Variants in RAPGEF6 observed in about 807,000 individuals in gnomAD.
RAPGEF6 encodes PDZ domain containing guanine nucleotide exchange factor (GEF) 2.
Under a neutral mutation model 171.4 loss-of-function variants are expected in RAPGEF6, and 56 were observed. The observed-to-expected ratio is 0.33, with a 90% confidence interval of 0.26 to 0.41. The LOEUF (loss-of-function observed/expected upper bound fraction) is 0.41. Among genes scored for constraint, RAPGEF6 ranks in the 10% least tolerant of loss-of-function variants. The probability of loss-of-function intolerance (pLI) is 1.00; values close to 1 mark genes in which losing one functional copy is unlikely to be tolerated. For missense variants in RAPGEF6, 1,674 were observed against 1,921.4 expected, an observed-to-expected ratio of 0.87 and a Z score of 2.41; for synonymous variants, 692 against 650.1, an observed-to-expected ratio of 1.06 and a Z score of -0.98.
At chr5:131,486,351 T>C (rs1245283236) in intron 15 of RAPGEF6, among the ~76,000 whole-genome samples, 2 of 152,242 alleles carry the variant, frequency 1.3e-5, no homozygotes, top group Non-Finnish European at 2.9e-5. Flanking sequence ...TGTTTGTTTA[T>C]AGTTTTTCAT....
intron 4 of RAPGEF6, among the ~76,000 whole-genome samples, chr5:131,571,429 A>G (rs934031286): frequency 6.6e-5 from 10 of 152,350 alleles, no homozygotes; most frequent in Admixed American, 2.6e-4. Context: ...ACAGATGACA[A>G]GATCACTTAC....
chr5:131,447,209 A>G (rs1276075838), intron 21 of RAPGEF6: 2 of 153,908 alleles, frequency 1.3e-5, no homozygotes, highest in African/African-American at 2.4e-5. Flanking sequence ...CAATTTTACT[A>G]GTAACCATTA....
chr5:131,549,826 A>T (rs977730770), intron 5 of RAPGEF6, among the ~76,000 whole-genome samples: 2 of 152,106 alleles, frequency 1.3e-5, no homozygotes, highest in African/African-American at 4.8e-5. Flanking sequence ...TCAGGTATTA[A>T]GCCTAGTGCC....
Position 131,530,850 on chromosome 5 carries a change from GT to G in RAPGEF6, c.496-9330del, listed in dbSNP as rs377398555. 1.8e-3 allele frequency among the ~76,000 whole-genome samples: 279 copies of G among 152,022 alleles called. 3 individuals carry two copies. The East Asian group carries it at 0.022, about 12-fold the overall frequency. On this transcript the variant is annotated intron_variant, in intron 6 of 27. Coordinates refer to ENST00000509018, the MANE Select transcript of RAPGEF6 (RefSeq NM_016340.6). ...TATCTCATTCTTAATTTTCTTTAAA[GT>G]TTTTTTTACACGGTCTCACTCACTT...
intron 3 of RAPGEF6, among the ~76,000 whole-genome samples, chr5:131,602,784 AAAAAG>A (rs1274454740): frequency 3.3e-5 from 5 of 152,200 alleles, no homozygotes; most frequent in African/African-American, 9.6e-5. Context: ...ACAAACAAAC[AAAAAG>A]AAAACTAGAA....
At chr5:131,523,793 A>AAAC (rs1561534217) in intron 6 of RAPGEF6, among the ~76,000 whole-genome samples, 24 of 150,992 alleles carry the variant, frequency 1.6e-4, no homozygotes, top group African/African-American at 2.4e-4. Flanking sequence ...GCAAGATAAA[A>AAAC]AAACAAACAA....
At chr5:131,430,019 C>A (rs1751601458) in intron 26 of RAPGEF6, among the ~76,000 whole-genome samples, 1 of 147,136 alleles carries the variant, frequency 6.8e-6, no homozygotes, top group South Asian at 2.1e-4. Context: ...CACTGCACTC[C>A]AGCCTGGGCA....
chr5:131,559,566 G>A (rs1761457783), intron 5 of RAPGEF6, among the ~76,000 whole-genome samples: 1 of 152,150 alleles, frequency 6.6e-6, no homozygotes, highest in South Asian at 2.1e-4. Context: ...GCTCACACCT[G>A]TAAGTCCAAC....
At position 131,428,959 on chromosome 5, in the gene RAPGEF6, A is replaced by T. The variant is rs766224899; in HGVS notation, c.4723T>A (p.Leu1575Met). ...KIVTQPQRHN[L>M]QPFHPKLGDV... ...CCTAGTTTAGGATGGAATGGCTGCA[A>T]ATTATGCCTCTGAGGCTGAGTTACA... Residue 1575 changes from leucine to methionine, a missense_variant, in exon 27 of 28, where the codon TTG (leucine) becomes ATG (methionine). Around this residue, in one of 3 missense-constraint regions of RAPGEF6, gnomAD observed 552 missense variants for 574.2 expected, o/e 0.96. Coordinates refer to ENST00000509018, the MANE Select transcript of RAPGEF6 (RefSeq NM_016340.6). The T allele has an allele frequency of 1.9e-6, 3 of 1,614,202 alleles. No homozygotes were observed. Among genetic ancestry groups the T allele is most frequent in the Admixed American group, 3.3e-5 (2 of 60,020 alleles).
At chr5:131,528,488 T>C (rs1461807234) in intron 6 of RAPGEF6, among the ~76,000 whole-genome samples, 1 of 150,706 alleles carries the variant, frequency 6.6e-6, no homozygotes, top group East Asian at 1.9e-4. Flanking sequence ...AAGAGAAACA[T>C]GGAACATTCC....
intron 3 of RAPGEF6, among the ~76,000 whole-genome samples, chr5:131,597,423 T>C (rs1763966958): frequency 6.6e-6 from 1 of 152,100 alleles, no homozygotes; most frequent in Non-Finnish European, 1.5e-5. Flanking sequence ...TCCCATATTT[T>C]ACAATAGCCA....
chr5:131,476,498 C>G (rs772710290), intron 16 of RAPGEF6, among the ~76,000 whole-genome samples: 3 of 152,076 alleles, frequency 2.0e-5, no homozygotes, highest in Non-Finnish European at 4.4e-5. Flanking sequence ...TTCACTCTGT[C>G]ACCCAGGCTG....
In RAPGEF6 at chr5:131,424,995, C is replaced by T. The variant is rs1030275107; in HGVS notation, c.*2271G>A. Reference sequence around the variant, plus strand: ...CAAACTAAGAGAAGGCAGGAATGTACCCTTAGTTAAAATATAAAAATCAAA... The same window carrying T: ...CAAACTAAGAGAAGGCAGGAATGTATCCTTAGTTAAAATATAAAAATCAAA... On this transcript the variant is annotated 3_prime_UTR_variant, in exon 28 of 28. Transcript: ENST00000509018. 5 of 152,258 alleles carry T rather than the reference C, an allele frequency of 3.3e-5. No homozygotes were observed. Among genetic ancestry groups the T allele is most frequent in the African/African-American group, 1.2e-4 (5 of 41,430 alleles). 9.4% of individuals were successfully genotyped at this position (152,258 alleles called of 1,614,324 possible). A position where few individuals can be genotyped will look rare whatever the true frequency, so the allele number is the denominator to read the frequency against.
At chr5:131,550,621 A>G (rs1760861713) in intron 5 of RAPGEF6, among the ~76,000 whole-genome samples, 1 of 152,248 alleles carries the variant, frequency 6.6e-6, no homozygotes, top group South Asian at 2.1e-4. Flanking sequence ...TTGTGTTATC[A>G]TACCCATTCT....
At chr5:131,456,909 A>G (rs980405633) in intron 19 of RAPGEF6, among the ~76,000 whole-genome samples, 1 of 152,358 alleles carries the variant, frequency 6.6e-6, no homozygotes, top group East Asian at 1.9e-4. Flanking sequence ...TCCTCAACAC[A>G]CTAGAAAGGT....
intron 1 of RAPGEF6, among the ~76,000 whole-genome samples, chr5:131,607,930 GT>G (rs1417279606): frequency 6.6e-6 from 1 of 152,120 alleles, no homozygotes; most frequent in East Asian, 1.9e-4. Context: ...TATATAAAAC[GT>G]TTTTCATAAG....
chr5:131,449,989 C>T, intron 21 of RAPGEF6: 2 of 1,526,530 alleles, frequency 1.3e-6, no homozygotes, highest in East Asian at 4.9e-5. Context: ...AGTCGCACAA[C>T]CTTCATTCCA....
rs767367399 is a variant in RAPGEF6 at position 131,428,888 on chromosome 5, G to A, written c.4780+14C>T. ...AATTCATTTAAGAGCCTTTAAGAGA[G>A]CTTGTCAACATACCATCTGCTTCGC... On this transcript the variant is annotated intron_variant, in intron 27 of 27. Transcript: ENST00000509018. The A allele has an allele frequency of 1.9e-6, 3 of 1,606,174 alleles. No individual in the cohort carries two copies. The African/African-American group carries it at 4.0e-5, about 21-fold the overall frequency.
intron 1 of RAPGEF6, among the ~76,000 whole-genome samples, chr5:131,606,819 A>G (rs1474964987): frequency 6.6e-6 from 1 of 152,236 alleles, no homozygotes; most frequent in East Asian, 1.9e-4. Flanking sequence ...GGAGGCAGAA[A>G]GGCCACATGG....
Sources: gnomAD v4.1 joint callset for allele counts (sites outside exome capture counted in the v4.1 genomes callset) on GRCh38, gnomAD v4.1.1 for gene constraint, gnomAD v4.1.1 regional missense constraint, MANE v1.5 for transcripts, NCBI Gene and HGNC (gene_info 2026-07-23, HGNC 2026-07-21) for gene names.